LRRC4C: variants seen among roughly 807,000 people sequenced by gnomAD.
LRRC4C encodes the protein leucine-rich repeat-containing protein 4C.
Under a neutral mutation model 33.6 loss-of-function variants are expected in LRRC4C, and 5 were observed. The observed-to-expected ratio is 0.15, with a 90% CI of 0.08 to 0.31. The LOEUF is 0.31. LRRC4C is among the 10% of genes least tolerant of loss of function. The pLI is 1.00. For missense variants in LRRC4C, 560 were observed against 796.7 expected (o/e 0.70, Z 3.58); for synonymous variants, 329 against 302.0 (o/e 1.09, Z -0.93).
At chr11:40,255,519 T>C (rs1378339519) in intron 4 of LRRC4C, among the ~76,000 whole-genome samples, 1 of 152,212 alleles carries the variant, frequency 6.6e-6, no homozygotes, top group Non-Finnish European at 1.5e-5. Context: ...GAGAGAGCTA[T>C]TTTTAGAAAA....
At chr11:40,518,305 T>A (rs912140633) in intron 3 of LRRC4C, among the ~76,000 whole-genome samples, 1 of 152,014 alleles carries the variant, frequency 6.6e-6, no homozygotes, top group East Asian at 1.9e-4. Context: ...AAAGAAACTA[T>A]CATCAGAGTG....
intron 4 of LRRC4C, among the ~76,000 whole-genome samples, chr11:40,279,714 G>A (rs943776404): frequency 6.6e-6 from 1 of 152,130 alleles, no homozygotes; most frequent in Non-Finnish European, 1.5e-5. Context: ...AGATCTAAGA[G>A]GTAACAGAGC....
At chr11:40,542,843 A>T (rs1267338804) in intron 3 of LRRC4C, among the ~76,000 whole-genome samples, 1 of 152,000 alleles carries the variant, frequency 6.6e-6, no homozygotes, top group East Asian at 1.9e-4. Flanking sequence ...TTTCCCTCTC[A>T]TATTTTATTG....
At chr11:41,099,401 A>C (rs36048781) in intron 1 of LRRC4C, among the ~76,000 whole-genome samples, 51,042 of 151,186 alleles carry the variant, frequency 0.34, 10,227 homozygotes, top group South Asian at 0.45. Context: ...AAAAAAAAAA[A>C]CTTCAGACCA....
intron 1 of LRRC4C, among the ~76,000 whole-genome samples, chr11:41,400,581 A>T (rs530088766): frequency 5.7e-4 from 12 of 21,126 alleles, no homozygotes; most frequent in Admixed American, 5.6e-3. Context: ...GAAATAGGAG[A>T]TATTTTTTTA....
intron 1 of LRRC4C, among the ~76,000 whole-genome samples, chr11:41,427,138 T>G (rs961738119): frequency 1.3e-5 from 2 of 152,206 alleles, no homozygotes; most frequent in Non-Finnish European, 2.9e-5. Context: ...GATGACCTAT[T>G]GCACATATAC....
intron 5 of LRRC4C, among the ~76,000 whole-genome samples, chr11:40,198,694 T>C (rs1255158600): frequency 6.6e-6 from 1 of 152,222 alleles, no homozygotes; most frequent in Non-Finnish European, 1.5e-5. Flanking sequence ...AGATATGGAA[T>C]AATTCTGCAT....
At chr11:40,823,625 G>A (rs546756514) in intron 2 of LRRC4C, among the ~76,000 whole-genome samples, 11 of 151,632 alleles carry the variant, frequency 7.3e-5, no homozygotes, top group Non-Finnish European at 1.6e-4. Context: ...TTAGAGAAAT[G>A]CAAATCAAAA....
intron 1 of LRRC4C, among the ~76,000 whole-genome samples, chr11:41,216,788 G>T (rs1441993072): frequency 6.6e-6 from 1 of 152,120 alleles, no homozygotes; most frequent in Non-Finnish European, 1.5e-5. Flanking sequence ...GATTTTGCAT[G>T]ATCTCCTCTT....
intron 5 of LRRC4C, among the ~76,000 whole-genome samples, chr11:40,203,718 T>A (rs1277377049): frequency 2.0e-5 from 3 of 152,134 alleles, no homozygotes; most frequent in Admixed American, 6.5e-5. Flanking sequence ...AAACAGAATC[T>A]CACTTGAAAA....
At chr11:40,500,459 A>T (rs1186307899) in intron 3 of LRRC4C, among the ~76,000 whole-genome samples, 2 of 151,826 alleles carry the variant, frequency 1.3e-5, no homozygotes, top group African/African-American at 4.8e-5. Flanking sequence ...CATACCTGAG[A>T]CTGGGAAGAA....
At chr11:41,086,554 G>T (rs957468461) in intron 1 of LRRC4C, among the ~76,000 whole-genome samples, 3 of 151,982 alleles carry the variant, frequency 2.0e-5, no homozygotes, top group Admixed American at 6.6e-5. Flanking sequence ...AGCTTTAATT[G>T]ACATTTTAGG....
chr11:40,894,966 C>T (rs1267505127), intron 2 of LRRC4C, among the ~76,000 whole-genome samples: 1 of 152,100 alleles, frequency 6.6e-6, no homozygotes, highest in East Asian at 1.9e-4. Context: ...CTTAGCCCCT[C>T]TAACTCATAT....
chr11:40,615,258 A>ATATATATATG (rs1961674707), intron 3 of LRRC4C, among the ~76,000 whole-genome samples: 1 of 50,892 alleles, frequency 2.0e-5, no homozygotes, highest in African/African-American at 3.9e-5. Flanking sequence ...ATATATATAT[A>ATATATATATG]TATATATACA....
chr11:40,172,759 G>T (rs756249322), intron 5 of LRRC4C, among the ~76,000 whole-genome samples: 1 of 152,038 alleles, frequency 6.6e-6, no homozygotes, highest in African/African-American at 2.4e-5. Flanking sequence ...CATCACTCTC[G>T]ATTCATAATG....
At position 40,138,375 on chromosome 11, in the gene LRRC4C, T is replaced by C. The variant is rs143337641; in HGVS notation, c.-43+2426A>G. On this transcript the variant is annotated intron_variant, in intron 6 of 6. Coordinates refer to ENST00000528697, the MANE Select transcript of LRRC4C (RefSeq NM_001258419.2). Reference sequence around the variant, plus strand: ...TTATAGAGATGGGGTCTTGCTATGTTGTCCAGGCTGAATGAGATATTCTCT... The same window carrying C: ...TTATAGAGATGGGGTCTTGCTATGTCGTCCAGGCTGAATGAGATATTCTCT... Among the ~76,000 whole-genome samples, 270 of 152,286 alleles carry C rather than the reference T, an allele frequency of 1.8e-3. 3 individuals carry two copies. The highest frequency in any genetic ancestry group is 6.3e-3 in the African/African-American group (260 of 41,564).
chr11:40,603,484 C>T (rs779078398), intron 3 of LRRC4C, among the ~76,000 whole-genome samples: 1 of 152,068 alleles, frequency 6.6e-6, no homozygotes, highest in Non-Finnish European at 1.5e-5. Flanking sequence ...ATAGAAAATC[C>T]GATACAGATC....
chr11:40,449,849 GA>G (rs1486261116), intron 3 of LRRC4C, among the ~76,000 whole-genome samples: 1 of 152,174 alleles, frequency 6.6e-6, no homozygotes, highest in East Asian at 1.9e-4. Context: ...AAAGTTCAGT[GA>G]AAGCTTGCTA....
intron 2 of LRRC4C, among the ~76,000 whole-genome samples, chr11:40,743,936 T>C (rs1948289061): frequency 6.6e-6 from 1 of 152,138 alleles, no homozygotes; most frequent in South Asian, 2.1e-4. Context: ...AACACAGCTT[T>C]GCATTGTAAC....
Sources: allele counts gnomAD v4.1 joint callset (sites outside exome capture counted in the v4.1 genomes callset), GRCh38; gene constraint gnomAD v4.1.1; transcripts MANE v1.5; gene names NCBI Gene and HGNC (gene_info 2026-07-23, HGNC 2026-07-21).